Variants in RAPGEF4 observed in about 807,000 individuals in gnomAD.
The protein encoded by RAPGEF4 is RAP guanine-nucleotide-exchange factor (GEF) 4.
A neutral mutation model predicts 147.9 loss-of-function variants in RAPGEF4; 66 were observed. That is an observed-to-expected ratio of 0.45 (90% CI 0.37 to 0.55). The LOEUF (loss-of-function observed/expected upper bound fraction) is 0.55, where lower values mean the gene tolerates loss of function less well. RAPGEF4 is among the 20% of genes least tolerant of loss of function. RAPGEF4 has a pLI of 0.00. For synonymous variants in RAPGEF4, 419 were observed against 442.7 expected (o/e 0.95, Z 0.67); for missense variants, 1,071 against 1,257.3 (o/e 0.85, Z 2.24).
At chr2:172,749,076 G>A (rs1276734542) in intron 1 of RAPGEF4, among the ~76,000 whole-genome samples, 1 of 152,198 alleles carries the variant, frequency 6.6e-6, no homozygotes, top group African/African-American at 2.4e-5. Flanking sequence ...CTCCTTCCCT[G>A]CTGCTTTTAG....
At chr2:172,872,953 G>A (rs1695421067) in intron 4 of RAPGEF4, among the ~76,000 whole-genome samples, 1 of 152,126 alleles carries the variant, frequency 6.6e-6, no homozygotes, top group African/African-American at 2.4e-5. Context: ...TCTGTGAAGA[G>A]TTCAGACTGA....
chr2:172,966,768 A>C (rs1233726954), intron 9 of RAPGEF4, among the ~76,000 whole-genome samples: 1 of 152,238 alleles, frequency 6.6e-6, no homozygotes, highest in Non-Finnish European at 1.5e-5. Flanking sequence ...AACTAATTTT[A>C]TACTAACATT....
At chr2:172,851,254 G>A (rs184379811) in intron 4 of RAPGEF4, among the ~76,000 whole-genome samples, 1 of 152,312 alleles carries the variant, frequency 6.6e-6, no homozygotes, top group African/African-American at 2.4e-5. Context: ...GGTTTTGAGT[G>A]ATCTTCTTGG....
At chr2:172,769,804 A>G (rs1472394320) in intron 1 of RAPGEF4, among the ~76,000 whole-genome samples, 1 of 152,210 alleles carries the variant, frequency 6.6e-6, no homozygotes, top group Non-Finnish European at 1.5e-5. Context: ...AATTATTACA[A>G]TGGGACATCT....
chr2:172,902,789 A>G (rs1029291415), intron 4 of RAPGEF4, among the ~76,000 whole-genome samples: 2 of 152,224 alleles, frequency 1.3e-5, no homozygotes, highest in African/African-American at 2.4e-5. Flanking sequence ...GAGATTTTCT[A>G]GAGTGGAGAG....
intron 8 of RAPGEF4, among the ~76,000 whole-genome samples, chr2:172,963,104 A>C (rs1383405372): frequency 6.6e-6 from 1 of 152,130 alleles, no homozygotes; most frequent in African/African-American, 2.4e-5. Context: ...GGTGCCACAC[A>C]CTATTAAATG....
rs570939950 is a variant in RAPGEF4, at chr2:173,010,014, T to C, written c.1659-4450T>C. Among the ~76,000 whole-genome samples the C allele has an allele frequency of 2.6e-5, 4 of 152,322 alleles. No homozygotes were observed. The East Asian group carries it at 7.7e-4, about 29-fold the overall frequency. On this transcript the variant is annotated intron_variant, in intron 17 of 30. Transcript: ENST00000397081. Reference sequence around the variant, plus strand: ...ACAACAACATAGGTAAAAAGAGTACTGGGGAGGAAAATAAGAGAACTGAGT... The same window carrying C: ...ACAACAACATAGGTAAAAAGAGTACCGGGGAGGAAAATAAGAGAACTGAGT...
At chr2:172,765,867 G>A (rs992251555) in intron 1 of RAPGEF4, among the ~76,000 whole-genome samples, 1 of 152,226 alleles carries the variant, frequency 6.6e-6, no homozygotes, top group Non-Finnish European at 1.5e-5. Flanking sequence ...TCTGCATATT[G>A]CAAAGGGACT....
chr2:172,988,016 T>C (rs1692450719), intron 12 of RAPGEF4, among the ~76,000 whole-genome samples, 180 bp from the exon 13 acceptor site: 2 of 152,262 alleles, frequency 1.3e-5, no homozygotes, highest in South Asian at 4.1e-4. Flanking sequence ...TCTCTTTCTT[T>C]TGTATTCTAT....
chr2:172,827,478 C>T lies in RAPGEF4; in HGVS notation c.444+13053C>T, dbSNP rs13411673. On this transcript the variant is annotated intron_variant, in intron 4 of 30. Coordinates refer to ENST00000397081, the MANE Select transcript of RAPGEF4 (RefSeq NM_007023.4). Reference sequence around the variant, plus strand: ...GTTATAATCAGTCATATAACCTCTTCCTTTACATTAACCTCTTCCTTTTCA... The same window carrying T: ...GTTATAATCAGTCATATAACCTCTTTCTTTACATTAACCTCTTCCTTTTCA... 5.6e-3 allele frequency among the ~76,000 whole-genome samples: 858 copies of T among 152,190 alleles called. 7 individuals carry two copies. The highest frequency in any genetic ancestry group is 0.019 in the African/African-American group (797 of 41,508).
chr2:172,875,954 C>G (rs1308543892), intron 4 of RAPGEF4, among the ~76,000 whole-genome samples: 3 of 152,126 alleles, frequency 2.0e-5, no homozygotes, highest in Non-Finnish European at 4.4e-5. Flanking sequence ...TTGAAGAGGT[C>G]CTTCACATCC....
intron 1 of RAPGEF4, among the ~76,000 whole-genome samples, chr2:172,754,702 A>C (rs181685515): frequency 1.3e-5 from 2 of 152,206 alleles, no homozygotes; most frequent in Admixed American, 1.3e-4. Flanking sequence ...GCAAGGAAAA[A>C]AGGGCTTATG....
intron 17 of RAPGEF4, 110 bp from the exon 18 acceptor site, chr2:173,014,354 C>A: frequency 7.4e-7 from 1 of 1,352,478 alleles, no homozygotes; most frequent in Non-Finnish European, 1.0e-6. Flanking sequence ...GGAATTCTAT[C>A]CATCTAAAAG....
intron 4 of RAPGEF4, among the ~76,000 whole-genome samples, chr2:172,874,572 A>G (rs1407591282): frequency 6.6e-6 from 1 of 152,220 alleles, no homozygotes; most frequent in Non-Finnish European, 1.5e-5. Flanking sequence ...TACAAAGGAC[A>G]TGAACTCATC....
chr2:172,784,529 A>AT (rs1411926341), intron 1 of RAPGEF4, among the ~76,000 whole-genome samples: 1 of 151,916 alleles, frequency 6.6e-6, no homozygotes, highest in Non-Finnish European at 1.5e-5. Context: ...AAAAAAAAAA[A>AT]AGATCCCTGA....
chr2:173,032,360 A>G (rs1697270997), intron 26 of RAPGEF4, among the ~76,000 whole-genome samples: 1 of 152,220 alleles, frequency 6.6e-6, no homozygotes, highest in South Asian at 2.1e-4. Context: ...TATTGAAAAC[A>G]CTGCTCTAGA....
intron 1 of RAPGEF4, among the ~76,000 whole-genome samples, chr2:172,790,180 A>C (rs1369745465): frequency 2.6e-5 from 4 of 151,738 alleles, no homozygotes. Context: ...TATGGCTTTG[A>C]TTTGCATTTC....
At position 173,014,725 on chromosome 2, in the gene RAPGEF4, T is replaced by C. The variant is rs1575522094; in HGVS notation, c.1809+111T>C. ...GACCGTAATTGCAAATGCTAGACTTTGTGAACACATTCATTCATCAGAAAG... is the reference window on the plus strand; with the variant it reads ...GACCGTAATTGCAAATGCTAGACTTCGTGAACACATTCATTCATCAGAAAG... On this transcript the variant is annotated intron_variant, in intron 18 of 30. Coordinates refer to ENST00000397081, the MANE Select transcript of RAPGEF4 (RefSeq NM_007023.4). The C allele has an allele frequency of 4.0e-6, 4 of 1,011,356 alleles. No homozygotes were observed. The East Asian group carries it at 9.1e-5, about 23-fold the overall frequency. 62.6% of individuals were successfully genotyped at this position (1,011,356 alleles called of 1,614,324 possible). A position where few individuals can be genotyped will look rare whatever the true frequency, so the allele number is the denominator to read the frequency against.
At chr2:173,046,594 A>C (rs1030438252) in intron 29 of RAPGEF4, among the ~76,000 whole-genome samples, 1 of 152,244 alleles carries the variant, frequency 6.6e-6, no homozygotes, top group Non-Finnish European at 1.5e-5. Context: ...GAGAAGTGAA[A>C]AAACAACTTA....
Sources: gnomAD v4.1 joint callset for allele counts (sites outside exome capture counted in the v4.1 genomes callset) on GRCh38, gnomAD v4.1.1 for gene constraint, MANE v1.5 for transcripts, NCBI Gene and HGNC (gene_info 2026-07-23, HGNC 2026-07-21) for gene names.